Variants in ADAMTS17 observed in about 807,000 individuals in gnomAD.
ADAMTS17 encodes the protein A disintegrin and metalloproteinase with thrombospondin motifs 17.
ADAMTS17 carries 113 observed loss-of-function variants against 141.5 expected under a neutral mutation model. The ratio of observed to expected loss-of-function variants is 0.80; its 90% confidence interval spans 0.69 to 0.93. The LOEUF is 0.93. Among genes scored for constraint, ADAMTS17 ranks in the 40% least tolerant of loss-of-function variants. The pLI, the probability that ADAMTS17 is intolerant of heterozygous loss-of-function variation, is 0.00. For missense variants in ADAMTS17, 1,659 were observed against 1,517.9 expected (o/e 1.09, Z -1.54); for synonymous variants, 768 against 630.6 (o/e 1.22, Z -3.27).
rs2727124 is a variant in ADAMTS17 at position 100,003,972 on chromosome 15, A to G, written c.2592-6383T>C. Among the ~76,000 whole-genome samples, 6 of 152,256 alleles carry G rather than the reference A, an allele frequency of 3.9e-5. 1 individual carries two copies. Among genetic ancestry groups the G allele is most frequent in the African/African-American group, 1.4e-4 (6 of 41,472 alleles). On this transcript the variant is annotated intron_variant, in intron 18 of 21. Coordinates refer to ENST00000268070, the MANE Select transcript of ADAMTS17 (RefSeq NM_139057.4). ...ATGGCTGCACAAGGTGAATGTACTT[A>G]CTGCCACTGAACTGTACATTTACAA...
intron 15 of ADAMTS17, among the ~76,000 whole-genome samples, chr15:100,079,381 T>C (rs10152701): frequency 0.11 from 16,068 of 152,238 alleles, 1,243 homozygotes; most frequent in African/African-American, 0.22. Flanking sequence ...AAAAGAAACA[T>C]TGATGTATGT....
Position 99,974,037 on chromosome 15 carries a change from A to ATGAT in ADAMTS17, c.*361_*364dup. 1 of 359,544 alleles carries ATGAT rather than the reference A, an allele frequency of 2.8e-6. No homozygotes were observed. Among genetic ancestry groups the ATGAT allele is most frequent in the Non-Finnish European group, 5.4e-6 (1 of 186,854 alleles). The allele number at this position is 359,544 out of a possible 1,614,324, so 22.3% of individuals were successfully genotyped here. On this transcript the variant is annotated 3_prime_UTR_variant, in exon 22 of 22. Transcript: ENST00000268070. Reference sequence around the variant, plus strand: ...GTCTCGTTTTGGGGATGTTTCCTCCATGATATACCAAGCACTGGAAATTCA... The same window carrying ATGAT: ...GTCTCGTTTTGGGGATGTTTCCTCCATGATTGATATACCAAGCACTGGAAATTCA...
Position 100,046,941 on chromosome 15 carries a change from C to T in ADAMTS17, c.2591+1916G>A, listed in dbSNP as rs537518651. Among the ~76,000 whole-genome samples the T allele has an allele frequency of 8.5e-5, 13 of 152,254 alleles. 1 individual carries two copies. Among genetic ancestry groups the T allele is most frequent in the African/African-American group, 1.4e-4 (6 of 41,542 alleles). ...AGAGATAACCTTAAACTCTGACTGC[C>T]GGTGAGCCAGGCAGAACAGAGCCAT... On this transcript the variant is annotated intron_variant, in intron 18 of 21. Transcript: ENST00000268070.
intron 10 of ADAMTS17, among the ~76,000 whole-genome samples, chr15:100,146,288 G>A (rs1161729083): frequency 6.6e-6 from 1 of 152,232 alleles, no homozygotes; most frequent in African/African-American, 2.4e-5. Context: ...TGAAGCCATG[G>A]CAGAAGAACG....
intron 3 of ADAMTS17, among the ~76,000 whole-genome samples, chr15:100,313,388 T>C (rs796213164): frequency 2.6e-5 from 4 of 152,328 alleles, no homozygotes; most frequent in African/African-American, 9.6e-5. Flanking sequence ...ATTTACATAA[T>C]ATGCCACATT....
At chr15:100,060,368 C>T (rs1346358086) in intron 15 of ADAMTS17, among the ~76,000 whole-genome samples, 3 of 152,182 alleles carry the variant, frequency 2.0e-5, no homozygotes, top group African/African-American at 7.2e-5. Flanking sequence ...AGGTTACATG[C>T]AGAACGTCCA....
chr15:100,097,069 A>G (rs2035805430), intron 14 of ADAMTS17, among the ~76,000 whole-genome samples: 1 of 152,226 alleles, frequency 6.6e-6, no homozygotes, highest in Non-Finnish European at 1.5e-5. Context: ...TCAACAAGGC[A>G]CGTCTGAGAG....
At chr15:100,325,587 C>T (rs754115511) in intron 3 of ADAMTS17, among the ~76,000 whole-genome samples, 4 of 152,148 alleles carry the variant, frequency 2.6e-5, no homozygotes, top group East Asian at 3.9e-4. Context: ...GTGCCATCCC[C>T]GTGGTGATGA....
At chr15:100,006,385 A>C (rs2061036881) in intron 18 of ADAMTS17, among the ~76,000 whole-genome samples, 2 of 152,210 alleles carry the variant, frequency 1.3e-5, no homozygotes, top group Non-Finnish European at 2.9e-5. Context: ...TTCTATTTAC[A>C]TCTTGATTTG....
chr15:100,298,155 G>T (rs1041511830), intron 3 of ADAMTS17, among the ~76,000 whole-genome samples: 1 of 152,126 alleles, frequency 6.6e-6, no homozygotes, highest in Non-Finnish European at 1.5e-5. Flanking sequence ...AGAAGTCTGG[G>T]GAGGAGAGAG....
chr15:100,308,540 C>CT (rs1178708341), intron 3 of ADAMTS17, among the ~76,000 whole-genome samples: 1 of 152,162 alleles, frequency 6.6e-6, no homozygotes, highest in Non-Finnish European at 1.5e-5. Flanking sequence ...AATGCTTTCC[C>CT]TTTTTAGGTA....
chr15:100,149,533 C>A (rs1160068210), intron 10 of ADAMTS17, among the ~76,000 whole-genome samples: 7 of 152,234 alleles, frequency 4.6e-5, no homozygotes, highest in Non-Finnish European at 8.8e-5. Flanking sequence ...GTCACCTGCT[C>A]TGACCTAAGT....
intron 20 of ADAMTS17, among the ~76,000 whole-genome samples, chr15:99,981,841 C>T (rs1240230764): frequency 6.6e-6 from 1 of 152,200 alleles, no homozygotes; most frequent in Non-Finnish European, 1.5e-5. Context: ...CTGCTGGTGG[C>T]CCACCATCCT....
At chr15:100,324,919 G>T (rs1400562861) in intron 3 of ADAMTS17, among the ~76,000 whole-genome samples, 3 of 152,178 alleles carry the variant, frequency 2.0e-5, no homozygotes, top group African/African-American at 7.2e-5. Context: ...CTCAGAGAGG[G>T]TGGCACCATT....
intron 8 of ADAMTS17, among the ~76,000 whole-genome samples, chr15:100,175,356 C>T (rs1485787990): frequency 1.3e-5 from 2 of 152,158 alleles, no homozygotes; most frequent in Non-Finnish European, 2.9e-5. Context: ...CCCGGCATGG[C>T]CTAAGGATTT....
At chr15:100,141,064 T>C (rs773815178) in intron 10 of ADAMTS17, among the ~76,000 whole-genome samples, 25 of 152,184 alleles carry the variant, frequency 1.6e-4, no homozygotes, top group Non-Finnish European at 3.2e-4. Context: ...AAAGTCACAG[T>C]CCGTGCACAT....
chr15:100,031,618 T>G (rs1327546905), intron 18 of ADAMTS17, among the ~76,000 whole-genome samples: 1 of 152,204 alleles, frequency 6.6e-6, no homozygotes, highest in South Asian at 2.1e-4. Context: ...TGTCCCCTAA[T>G]GGGTAAATGC....
intron 7 of ADAMTS17, among the ~76,000 whole-genome samples, chr15:100,217,495 A>G (rs555398616): frequency 6.6e-6 from 1 of 152,262 alleles, no homozygotes; most frequent in South Asian, 2.1e-4. Flanking sequence ...GCTACTCGGG[A>G]GGCTGAGGCA....
chr15:100,119,214 G>A (rs1190631799), intron 12 of ADAMTS17, among the ~76,000 whole-genome samples: 5 of 152,126 alleles, frequency 3.3e-5, no homozygotes, highest in African/African-American at 1.2e-4. Flanking sequence ...CTCCAGGACT[G>A]TACGACAATA....
Sources: gnomAD v4.1 joint callset for allele counts (sites outside exome capture counted in the v4.1 genomes callset) on GRCh38, gnomAD v4.1.1 for gene constraint, MANE v1.5 for transcripts, NCBI Gene and HGNC (gene_info 2026-07-23, HGNC 2026-07-21) for gene names.